Variants in GRID1 observed in about 807,000 individuals in gnomAD.
The protein encoded by GRID1 is glutamate ionotropic receptor delta type subunit 1.
GRID1 carries 28 observed loss-of-function variants against 98.0 expected under a neutral mutation model. That is an observed-to-expected ratio of 0.29 (90% confidence interval 0.21 to 0.39). The LOEUF (loss-of-function observed/expected upper bound fraction) is 0.39. Ranked by LOEUF, GRID1 falls within the 10% of genes least tolerant of loss-of-function variation. The pLI is 1.00. For synonymous variants in GRID1, 553 were observed against 538.5 expected (o/e 1.03, Z -0.37); for missense variants, 1,111 against 1,340.5 (o/e 0.83, Z 2.67).
chr10:85,634,257 T>TCTCC (rs1564683941), intron 13 of GRID1, among the ~76,000 whole-genome samples: 1 of 130,844 alleles, frequency 7.6e-6, no homozygotes, highest in Non-Finnish European at 1.6e-5. Context: ...CACCTCTCTC[T>TCTCC]CTCTCTCTCT....
intron 3 of GRID1, among the ~76,000 whole-genome samples, chr10:86,148,105 G>A (rs1305506982): frequency 6.6e-6 from 1 of 152,188 alleles, no homozygotes; most frequent in Non-Finnish European, 1.5e-5. Context: ...CTTTTCAATG[G>A]TAGTCATCTC....
intron 8 of GRID1, among the ~76,000 whole-genome samples, chr10:85,786,646 T>C (rs1006156914): frequency 5.3e-5 from 8 of 152,150 alleles, no homozygotes; most frequent in Non-Finnish European, 1.2e-4. Context: ...GTAGTGCACA[T>C]CCACATTTAG....
chr10:86,239,576 G>A (rs1564715847), intron 2 of GRID1, among the ~76,000 whole-genome samples: 2 of 152,232 alleles, frequency 1.3e-5, no homozygotes, highest in Admixed American at 6.5e-5. Flanking sequence ...TGTTGGAGGA[G>A]GGGCCTGGTG....
chr10:86,066,254 G>A (rs577485375), intron 4 of GRID1, among the ~76,000 whole-genome samples: 2 of 152,206 alleles, frequency 1.3e-5, no homozygotes, highest in Admixed American at 6.5e-5. Context: ...GTTGCTCCAC[G>A]GTGGCTCCGA....
At chr10:86,171,950 C>T (rs1234344841) in intron 3 of GRID1, among the ~76,000 whole-genome samples, 1 of 152,064 alleles carries the variant, frequency 6.6e-6, no homozygotes, top group African/African-American at 2.4e-5. Flanking sequence ...TTCATTTAAT[C>T]CTTAACTCTG....
chr10:86,320,214 G>A (rs971607768), intron 2 of GRID1, among the ~76,000 whole-genome samples: 24 of 152,214 alleles, frequency 1.6e-4, no homozygotes, highest in African/African-American at 4.6e-4. Flanking sequence ...ATCACTAAGC[G>A]AATGAGGATG....
At chr10:86,343,787 G>T (rs1848344064) in intron 2 of GRID1, among the ~76,000 whole-genome samples, 2 of 152,250 alleles carry the variant, frequency 1.3e-5, no homozygotes, top group African/African-American at 4.8e-5. Flanking sequence ...TCATGCAGGG[G>T]GATGGACAGA....
At chr10:85,969,013 A>C (rs1444570948) in intron 4 of GRID1, among the ~76,000 whole-genome samples, 1 of 152,228 alleles carries the variant, frequency 6.6e-6, no homozygotes, top group Non-Finnish European at 1.5e-5. Context: ...GTACCATACA[A>C]ACAGTAACCA....
chr10:86,277,655 T>C (rs1445158152), intron 2 of GRID1, among the ~76,000 whole-genome samples: 2 of 152,128 alleles, frequency 1.3e-5, no homozygotes, highest in Admixed American at 6.5e-5. Flanking sequence ...GGATGTTAAG[T>C]GTAATCCTGA....
intron 3 of GRID1, among the ~76,000 whole-genome samples, chr10:86,180,183 C>T (rs1180381571): frequency 6.6e-6 from 1 of 152,108 alleles, no homozygotes; most frequent in African/African-American, 2.4e-5. Flanking sequence ...CAGAAGGCTC[C>T]GGCTGGTGCA....
chr10:86,316,824 T>C (rs1401634863), intron 2 of GRID1, among the ~76,000 whole-genome samples: 1 of 152,224 alleles, frequency 6.6e-6, no homozygotes, highest in Non-Finnish European at 1.5e-5. Flanking sequence ...TGCTTTTATA[T>C]GATTTTCCAT....
chr10:86,354,048 C>T (rs1468728166), intron 2 of GRID1, among the ~76,000 whole-genome samples: 2 of 152,158 alleles, frequency 1.3e-5, no homozygotes, highest in African/African-American at 4.8e-5. Context: ...CCTCTGGGCA[C>T]TCAGATGAAA....
chr10:85,756,600 G>C (rs1225467217), intron 8 of GRID1, among the ~76,000 whole-genome samples: 1 of 152,240 alleles, frequency 6.6e-6, no homozygotes, highest in Admixed American at 6.5e-5. Flanking sequence ...GATGGAGCCA[G>C]ATGGAGTGAG....
chr10:86,197,284 C>G (rs967039932), intron 3 of GRID1, among the ~76,000 whole-genome samples: 1 of 152,106 alleles, frequency 6.6e-6, no homozygotes, highest in South Asian at 2.1e-4. Flanking sequence ...GCAGAGGAAA[C>G]AGCCAGCCCA....
At chr10:86,122,991 G>A (rs1378253214) in intron 4 of GRID1, among the ~76,000 whole-genome samples, 4 of 152,240 alleles carry the variant, frequency 2.6e-5, no homozygotes, top group Admixed American at 6.5e-5. Context: ...GCAGAACCAA[G>A]GGACCCAAGC....
intron 2 of GRID1, among the ~76,000 whole-genome samples, chr10:86,299,364 A>T (rs546103125): frequency 6.9e-6 from 1 of 144,642 alleles, no homozygotes; most frequent in African/African-American, 2.6e-5. Context: ...TTTAACTTCT[A>T]GGGTACATGT....
At chr10:85,959,829 C>A (rs541451174) in intron 4 of GRID1, among the ~76,000 whole-genome samples, 4 of 151,994 alleles carry the variant, frequency 2.6e-5, no homozygotes, top group East Asian at 3.9e-4. Context: ...ATTAAAGCTG[C>A]GCTAAACATT....
intron 4 of GRID1, among the ~76,000 whole-genome samples, chr10:86,003,523 G>A (rs1409434126): frequency 6.6e-6 from 1 of 152,228 alleles, no homozygotes; most frequent in African/African-American, 2.4e-5. Flanking sequence ...CAGCTTCTGA[G>A]AGCTGCCAAG....
chr10:86,070,212 T>C (rs1843784079), intron 4 of GRID1, among the ~76,000 whole-genome samples: 1 of 152,210 alleles, frequency 6.6e-6, no homozygotes. Flanking sequence ...TAAATTCCTC[T>C]GGGCTGGGCT....
Sources: gnomAD v4.1 joint callset for allele counts (sites outside exome capture counted in the v4.1 genomes callset) on GRCh38, gnomAD v4.1.1 for gene constraint, MANE v1.5 for transcripts, NCBI Gene and HGNC (gene_info 2026-07-23, HGNC 2026-07-21) for gene names.